SAMD5: variants seen among roughly 807,000 people sequenced by gnomAD.
SAMD5 encodes the protein sterile alpha motif domain-containing protein 5.
SAMD5 carries 13 observed loss-of-function variants against 11.3 expected under a neutral mutation model. The observed-to-expected ratio is 1.15, with a 90% CI of 0.75 to 1.83. The LOEUF is 1.83. SAMD5 is among the 40% of genes most tolerant of loss of function. SAMD5 has a pLI of 0.00. For synonymous variants in SAMD5, 129 were observed against 111.3 expected (o/e 1.16, Z -1.00); for missense variants, 255 against 239.1 (o/e 1.07, Z -0.44).
At chr6:147,877,847 T>TAC in the SAMD5 span, among the ~76,000 whole-genome samples, 15,073 of 113,040 alleles carry the variant, frequency 0.13, 1,820 homozygotes, top group African/African-American at 0.33. Flanking sequence ...TTTATATAAA[T>TAC]ACACACACAC....
the SAMD5 span, among the ~76,000 whole-genome samples, chr6:147,798,864 T>G: frequency 6.6e-6 from 1 of 152,208 alleles, no homozygotes; most frequent in African/African-American, 2.4e-5. Flanking sequence ...GTTTAAAGTC[T>G]GTTTTATCAG....
downstream of SAMD5, among the ~76,000 whole-genome samples, chr6:147,573,462 C>T (rs1434561780): frequency 5.3e-5 from 8 of 152,158 alleles, no homozygotes; most frequent in Non-Finnish European, 1.2e-4. Flanking sequence ...AGGGAAACCG[C>T]CTCCATGATC....
At chr6:147,809,939 T>A in the SAMD5 span, among the ~76,000 whole-genome samples, 3 of 152,198 alleles carry the variant, frequency 2.0e-5, no homozygotes, top group African/African-American at 7.2e-5. Context: ...GCATTTCATC[T>A]TTCATCTTTG....
At chr6:147,673,458 C>A (rs529749755) in intron 1 of SAMD5, among the ~76,000 whole-genome samples, 3 of 152,138 alleles carry the variant, frequency 2.0e-5, no homozygotes, top group Non-Finnish European at 4.4e-5. Context: ...CTTGATCCGT[C>A]TGCCTCGGCC....
chr6:147,799,419 G>A, the SAMD5 span, among the ~76,000 whole-genome samples: 1 of 151,692 alleles, frequency 6.6e-6, no homozygotes, highest in African/African-American at 2.4e-5. Context: ...TGGCTTGTAG[G>A]GTTTCTGCCG....
intron 1 of SAMD5, among the ~76,000 whole-genome samples, chr6:147,606,907 G>A (rs1361204192): frequency 6.7e-6 from 1 of 148,988 alleles, no homozygotes; most frequent in Non-Finnish European, 1.5e-5. Flanking sequence ...ATAGTTAAAG[G>A]AGGAACAGAG....
intron 1 of SAMD5, among the ~76,000 whole-genome samples, chr6:147,731,730 C>T (rs1791718633): frequency 7.3e-6 from 1 of 136,142 alleles, no homozygotes. Flanking sequence ...TCTTTCCTTC[C>T]TTCCTTCCAT....
At chr6:147,645,315 C>T (rs144019093) in intron 1 of SAMD5, among the ~76,000 whole-genome samples, 2 of 152,130 alleles carry the variant, frequency 1.3e-5, no homozygotes, top group South Asian at 4.1e-4. Context: ...GTAAGGTAAA[C>T]ATTCCAATCA....
the SAMD5 span, among the ~76,000 whole-genome samples, chr6:147,870,313 A>G: frequency 1.2e-4 from 18 of 152,046 alleles, no homozygotes; most frequent in East Asian, 3.5e-3. Context: ...GTCAAGCATG[A>G]GCTTAGTATT....
At chr6:147,598,057 C>A (rs551065925) in intron 1 of SAMD5, among the ~76,000 whole-genome samples, 1 of 152,242 alleles carries the variant, frequency 6.6e-6, no homozygotes, top group South Asian at 2.1e-4. Context: ...GCAGTGGAGT[C>A]CTGGAGCTGA....
chr6:147,657,680 G>A (rs551466744), intron 1 of SAMD5, among the ~76,000 whole-genome samples: 1 of 152,296 alleles, frequency 6.6e-6, no homozygotes, highest in African/African-American at 2.4e-5. Flanking sequence ...CAGATTCGGT[G>A]TCCGGTGAGG....
intron 1 of SAMD5, among the ~76,000 whole-genome samples, chr6:147,528,750 G>A (rs1039389783): frequency 4.6e-5 from 7 of 152,126 alleles, no homozygotes; most frequent in Admixed American, 3.9e-4. Context: ...TAGTGAAAGT[G>A]GTCTCCTCTA....
intron 1 of SAMD5, among the ~76,000 whole-genome samples, chr6:147,660,344 G>A (rs1272554116): frequency 2.6e-5 from 4 of 152,166 alleles, no homozygotes; most frequent in Admixed American, 2.6e-4. Context: ...TGCCCTGGGA[G>A]ACGGGATTTA....
Position 147,508,780 on chromosome 6 carries a change from C to G in SAMD5, c.-149C>G. 1 of 1,237,888 alleles carries G rather than the reference C, an allele frequency of 8.1e-7. No individual in the cohort carries two copies. The highest frequency in any genetic ancestry group is 1.7e-5 in the South Asian group (1 of 59,492). 76.7% of individuals were successfully genotyped at this position (1,237,888 alleles called of 1,614,324 possible). On this transcript the variant is annotated 5_prime_UTR_variant, in exon 1 of 2. Coordinates refer to ENST00000367474, the MANE Select transcript of SAMD5 (RefSeq NM_001030060.3). ...CAGGCTTCTTCTGATGGTTTTCCGT[C>G]TCCTGCCCGAGCCTTTCCTTTAAAA... is the stretch of plus-strand genomic sequence containing the variant.
intron 1 of SAMD5, among the ~76,000 whole-genome samples, chr6:147,539,032 T>G (rs1239745277): frequency 6.6e-6 from 1 of 152,194 alleles, no homozygotes; most frequent in Non-Finnish European, 1.5e-5. Flanking sequence ...ATTGGATTAC[T>G]GGCTTAAGGG....
chr6:147,816,301 A>ATATATATATATATATAT, the SAMD5 span, among the ~76,000 whole-genome samples: 17 of 66,318 alleles, frequency 2.6e-4, no homozygotes, highest in Admixed American at 3.9e-4. Context: ...AAAAAAAAAA[A>ATATATATATATATATAT]ATATATATAT....
chr6:147,605,303 G>A (rs1285800392), intron 1 of SAMD5, among the ~76,000 whole-genome samples: 1 of 152,048 alleles, frequency 6.6e-6, no homozygotes, highest in Non-Finnish European at 1.5e-5. Context: ...TTGTAGAGAT[G>A]GGGGTCTCAC....
intron 1 of SAMD5, among the ~76,000 whole-genome samples, chr6:147,558,115 T>C (rs187684747): frequency 1.1e-4 from 17 of 152,346 alleles, no homozygotes; most frequent in African/African-American, 4.1e-4. Flanking sequence ...GTCATGGCAA[T>C]TATATTGGTG....
the SAMD5 span, among the ~76,000 whole-genome samples, chr6:147,923,517 T>C: frequency 2.6e-5 from 4 of 152,194 alleles, no homozygotes; most frequent in Non-Finnish European, 5.9e-5. Flanking sequence ...ATTTAGCACT[T>C]CACAATTTAC....
Sources: allele counts gnomAD v4.1 joint callset (sites outside exome capture counted in the v4.1 genomes callset), GRCh38; gene constraint gnomAD v4.1.1; transcripts MANE v1.5; gene names NCBI Gene and HGNC (gene_info 2026-07-23, HGNC 2026-07-21).